Variants in RANBP2 observed in about 807,000 individuals in gnomAD.
RANBP2 encodes RAN binding protein 2.
A neutral mutation model predicts 303.6 loss-of-function variants in RANBP2; 57 were observed. The ratio of observed to expected loss-of-function variants is 0.19; its 90% CI spans 0.15 to 0.23. The LOEUF (loss-of-function observed/expected upper bound fraction) is 0.23, where lower values mean the gene tolerates loss of function less well. Among genes scored for constraint, RANBP2 ranks in the 10% least tolerant of loss-of-function variants. The pLI, the probability that RANBP2 is intolerant of heterozygous loss-of-function variation, is 1.00. For synonymous variants in RANBP2, 1,167 were observed against 1,301.5 expected, an observed-to-expected ratio of 0.90 and a Z score of 2.23; for missense variants, 3,138 against 3,780.8, an observed-to-expected ratio of 0.83 and a Z score of 4.46.
the RANBP2 span, among the ~76,000 whole-genome samples, chr2:109,321,688 A>G: frequency 2.6e-5 from 4 of 152,342 alleles, no homozygotes; most frequent in Middle Eastern, 0.01. Flanking sequence ...TAAATTTGTA[A>G]TAAGTGTCAA....
At chr2:108,961,133 G>T in the RANBP2 span, among the ~76,000 whole-genome samples, 5 of 152,260 alleles carry the variant, frequency 3.3e-5, no homozygotes, top group African/African-American at 1.2e-4. Flanking sequence ...AGACCCTGCA[G>T]AGTGGCCCCC....
chr2:108,952,027 G>A, the RANBP2 span, among the ~76,000 whole-genome samples: 2 of 152,206 alleles, frequency 1.3e-5, no homozygotes, highest in African/African-American at 2.4e-5. Flanking sequence ...GCAAAAGCAT[G>A]TTTTATTTTT....
the RANBP2 span, among the ~76,000 whole-genome samples, chr2:109,735,115 C>CTTA: frequency 7.2e-5 from 11 of 152,016 alleles, no homozygotes; most frequent in African/African-American, 2.2e-4. Flanking sequence ...TCCTTCTATC[C>CTTA]AGCTATAATT....
the RANBP2 span, among the ~76,000 whole-genome samples, chr2:108,860,728 T>A: frequency 6.6e-6 from 1 of 151,982 alleles, no homozygotes; most frequent in Admixed American, 6.6e-5. Context: ...GGATTTTTGC[T>A]TCTGTGTTGA....
At chr2:109,211,772 A>C in the RANBP2 span, among the ~76,000 whole-genome samples, 64,230 of 151,754 alleles carry the variant, frequency 0.42, 16,079 homozygotes, top group East Asian at 0.8. Context: ...AGCCTCCCTG[A>C]GTAGCTGGGA....
the RANBP2 span, among the ~76,000 whole-genome samples, chr2:109,010,179 G>A: frequency 6.6e-6 from 1 of 151,966 alleles, no homozygotes; most frequent in Non-Finnish European, 1.5e-5. Context: ...TTGATCCTTT[G>A]AGGCAACCAC....
chr2:109,030,258 C>T, the RANBP2 span, among the ~76,000 whole-genome samples: 1 of 152,190 alleles, frequency 6.6e-6, no homozygotes, highest in African/African-American at 2.4e-5. Flanking sequence ...AGGCCATGCG[C>T]TCAAGTGCTT....
chr2:108,789,630 A>G (rs137997812), downstream of RANBP2, among the ~76,000 whole-genome samples: 291 of 152,252 alleles, frequency 1.9e-3, 3 homozygotes, highest in African/African-American at 6.8e-3. Context: ...ACTGCCATAC[A>G]GGTTTTGTTA....
At chr2:108,946,608 C>T in the RANBP2 span, among the ~76,000 whole-genome samples, 1 of 152,124 alleles carries the variant, frequency 6.6e-6, no homozygotes, top group African/African-American at 2.4e-5. Flanking sequence ...GCTGGCAGGC[C>T]TCAGGAAACT....
At chr2:109,031,087 C>T in the RANBP2 span, among the ~76,000 whole-genome samples, 1 of 152,184 alleles carries the variant, frequency 6.6e-6, no homozygotes, top group Non-Finnish European at 1.5e-5. Context: ...ATGCTGGAGT[C>T]TAAGGGTATT....
the RANBP2 span, among the ~76,000 whole-genome samples, chr2:108,848,471 G>T: frequency 6.6e-6 from 1 of 152,288 alleles, no homozygotes; most frequent in Non-Finnish European, 1.5e-5. Context: ...ATAAATAATG[G>T]ATGGATGAAT....
chr2:108,813,021 G>GCA, the RANBP2 span: 4 of 944,912 alleles, frequency 4.2e-6, no homozygotes, highest in South Asian at 1.5e-5. Context: ...AGGCTGAGAT[G>GCA]GGCGGATCAC....
At chr2:109,362,629 T>G in the RANBP2 span, among the ~76,000 whole-genome samples, 1 of 152,296 alleles carries the variant, frequency 6.6e-6, no homozygotes, top group Non-Finnish European at 1.5e-5. Context: ...ATATCCTTAC[T>G]GATTTTCTGC....
chr2:109,301,233 T>C, the RANBP2 span, among the ~76,000 whole-genome samples: 1 of 152,250 alleles, frequency 6.6e-6, no homozygotes, highest in African/African-American at 2.4e-5. Context: ...TGCTGATCTC[T>C]GTGCACCGGG....
the RANBP2 span, among the ~76,000 whole-genome samples, chr2:108,998,878 G>T: frequency 6.6e-6 from 1 of 152,190 alleles, no homozygotes; most frequent in East Asian, 1.9e-4. Context: ...CCTCTAGCCT[G>T]AAGGCTGAAA....
At chr2:109,437,733 C>T in the RANBP2 span, among the ~76,000 whole-genome samples, 76 of 151,670 alleles carry the variant, frequency 5.0e-4, no homozygotes, top group African/African-American at 1.7e-3. Flanking sequence ...TAAGGAAAAC[C>T]GGTTTGGCCC....
At chr2:109,403,117 C>T in the RANBP2 span, among the ~76,000 whole-genome samples, 2 of 152,288 alleles carry the variant, frequency 1.3e-5, no homozygotes, top group African/African-American at 2.4e-5. Flanking sequence ...AGGAAGCGTG[C>T]GTCTGTGGTT....
the RANBP2 span, among the ~76,000 whole-genome samples, chr2:109,335,352 G>C: frequency 6.6e-6 from 1 of 152,166 alleles, no homozygotes; most frequent in African/African-American, 2.4e-5. Flanking sequence ...TCTCAATGGC[G>C]TTTATTTCCT....
At chr2:108,893,379 A>G in the RANBP2 span, among the ~76,000 whole-genome samples, 1 of 152,108 alleles carries the variant, frequency 6.6e-6, no homozygotes, top group East Asian at 1.9e-4. Flanking sequence ...CAAACTTCCC[A>G]TTTGTTCAAA....
Sources: allele counts gnomAD v4.1 joint callset (sites outside exome capture counted in the v4.1 genomes callset), GRCh38; gene constraint gnomAD v4.1.1; transcripts MANE v1.5; gene names NCBI Gene and HGNC (gene_info 2026-07-23, HGNC 2026-07-21).